PIN4: variants seen among roughly 807,000 people sequenced by gnomAD.
PIN4 encodes peptidylprolyl cis/trans isomerase, NIMA-interacting 4.
PIN4 carries 3 observed loss-of-function variants against 8.3 expected under a neutral mutation model. That is an observed-to-expected ratio of 0.36 (90% CI 0.16 to 0.93). The LOEUF (loss-of-function observed/expected upper bound fraction) is 0.93, where lower values mean the gene tolerates loss of function less well. Ranked by LOEUF, PIN4 falls within the 40% of genes least tolerant of loss-of-function variation. PIN4 has a pLI of 0.44. For synonymous variants in PIN4, 18 were observed against 32.5 expected (o/e 0.55, Z 1.52); for missense variants, 75 against 100.6 (o/e 0.75, Z 1.09).
chrX:72,185,135 G>A (rs1285163598), intron 1 of PIN4, among the ~76,000 whole-genome samples: 3 of 31,801 alleles, frequency 9.4e-5, no homozygotes, highest in Non-Finnish European at 2.1e-4. Context: ...CAGACAGAGC[G>A]AGACTCCGTC....
intron 3 of PIN4, among the ~76,000 whole-genome samples, chrX:72,219,709 C>T (rs2042911084): frequency 1.8e-5 from 2 of 108,997 alleles, no homozygotes; most frequent in South Asian, 8.0e-4. Flanking sequence ...AATTAGCGGG[C>T]GTGGTGGTGC....
At chrX:72,231,283 T>C (rs2042981623) in intron 3 of PIN4, among the ~76,000 whole-genome samples, 1 of 111,921 alleles carries the variant, frequency 8.9e-6, no homozygotes, top group Non-Finnish European at 1.9e-5. Context: ...TGAATGAACC[T>C]AAAAGACATT....
chrX:72,247,047 G>A (rs1380212309), intron 3 of PIN4, among the ~76,000 whole-genome samples: 1 of 112,111 alleles, frequency 8.9e-6, no homozygotes, highest in African/African-American at 3.2e-5. Flanking sequence ...TAATCCTAAA[G>A]GAGAGCACTG....
intron 3 of PIN4, chrX:72,205,642 C>T (rs1253607709): frequency 3.3e-6 from 4 of 1,211,681 alleles, no homozygotes; most frequent in South Asian, 3.5e-5. Context: ...TGGATTTATG[C>T]TTGAGGTATC....
At chrX:72,246,341 C>A (rs2043067121) in intron 3 of PIN4, among the ~76,000 whole-genome samples, 2 of 112,082 alleles carry the variant, frequency 1.8e-5, no homozygotes, top group Admixed American at 1.9e-4. Context: ...GTAGTCTATG[C>A]CACCATTCTG....
chrX:72,211,038 G>C (rs1472264599), intron 3 of PIN4, among the ~76,000 whole-genome samples: 2 of 112,067 alleles, frequency 1.8e-5, no homozygotes, highest in Non-Finnish European at 3.8e-5. Context: ...CTGATTATTT[G>C]CAAGACTAGA....
chrX:72,196,304 G>A (rs1479852515), intron 2 of PIN4, among the ~76,000 whole-genome samples: 1 of 110,486 alleles, frequency 9.1e-6, no homozygotes, highest in Non-Finnish European at 1.9e-5. Flanking sequence ...GGGAGGCCAA[G>A]GCGGGTGGAT....
At chrX:72,194,882 C>T (rs556550083) in intron 2 of PIN4, among the ~76,000 whole-genome samples, 1 of 110,858 alleles carries the variant, frequency 9.0e-6, no homozygotes, top group South Asian at 3.8e-4. Context: ...TTTTACTGTA[C>T]CTTTTCTATG....
Position 72,198,016 on chromosome X carries a change from A to G in PIN4, c.*490A>G. 4.0e-6 allele frequency: 3 copies of G among 745,780 alleles called. No homozygotes were observed. The highest frequency in any genetic ancestry group is 4.8e-6 in the Non-Finnish European group (3 of 630,775). The allele number at this position is 745,780 out of a possible 1,213,427, so 61.5% of individuals were successfully genotyped here. ...GTGGTATTAGCTCCACTGTCTTAAC[A>G]TAGTACGTGGCACGTTATGCCTTTC... On this transcript the variant is annotated 3_prime_UTR_variant, in exon 4 of 4. Transcript: ENST00000373669.
intron 3 of PIN4, among the ~76,000 whole-genome samples, chrX:72,217,031 G>GA (rs1247290456): frequency 1.1e-4 from 12 of 112,347 alleles, no homozygotes; most frequent in Non-Finnish European, 1.1e-4. Flanking sequence ...TGCTATGCCA[G>GA]AAAAAAGGAT....
In PIN4 at chrX:72,262,680, CATT is replaced by C. The variant is rs1274026534; in HGVS notation, c.313-24_313-22del. On this transcript the variant is annotated intron_variant, in intron 3 of 3. Transcript: ENST00000423432. ...TAGCAATCAGGTTACAATTGATTGA[CATT>C]ATCACTTTCTTTATGTTTGGCAGAT... The C allele has an allele frequency of 2.9e-6, 3 of 1,026,466 alleles. No individual in the cohort carries two copies. In the East Asian group the frequency reaches 1.0e-4, roughly 34 times the overall value. 84.6% of individuals were successfully genotyped at this position (1,026,466 alleles called of 1,213,427 possible). A position where few individuals can be genotyped will look rare whatever the true frequency, so the allele number is the denominator to read the frequency against.
At chrX:72,189,736 G>A (rs760838064) in intron 2 of PIN4, among the ~76,000 whole-genome samples, 17 of 111,438 alleles carry the variant, frequency 1.5e-4, no homozygotes, top group East Asian at 2.8e-4. Flanking sequence ...TCCCAAATCC[G>A]AAACACTCTG....
intron 2 of PIN4, among the ~76,000 whole-genome samples, chrX:72,190,617 T>C (rs1372884925): frequency 9.0e-6 from 1 of 111,348 alleles, no homozygotes; most frequent in African/African-American, 3.3e-5. Flanking sequence ...TAGATGAACT[T>C]ATTTCAGTAG....
At chrX:72,201,988 T>C (rs1377504580), downstream of PIN4, among the ~76,000 whole-genome samples, 1 of 112,889 alleles carries the variant, frequency 8.9e-6, no homozygotes, top group Non-Finnish European at 1.9e-5. Context: ...CATTGGTTAC[T>C]TGGGGTATAC....
chrX:72,197,707 A>G lies in PIN4; in HGVS notation c.*181A>G. 9 of 1,009,691 alleles carry G rather than the reference A, an allele frequency of 8.9e-6. No homozygotes were observed. The highest frequency in any genetic ancestry group is 1.1e-5 in the Non-Finnish European group (9 of 794,544). The allele number at this position is 1,009,691 out of a possible 1,213,427, so 83.2% of individuals were successfully genotyped here. A position where few individuals can be genotyped will look rare whatever the true frequency, so the allele number is the denominator to read the frequency against. ...TGTAGGTGTAAGAGAGGGTGGGGCT[A>G]AGTGAATGTCAACTGTAGTAGGTAT... On this transcript the variant is annotated 3_prime_UTR_variant, in exon 4 of 4. Transcript: ENST00000373669.
At chrX:72,188,043 C>T (rs1390382328) in intron 2 of PIN4, among the ~76,000 whole-genome samples, 3 of 111,511 alleles carry the variant, frequency 2.7e-5, no homozygotes, top group Non-Finnish European at 5.7e-5. Context: ...GAGAGACATG[C>T]ACCTGCTTTT....
At chrX:72,213,409 G>A (rs1482266539) in intron 3 of PIN4, among the ~76,000 whole-genome samples, 1 of 111,640 alleles carries the variant, frequency 9.0e-6, no homozygotes, top group African/African-American at 3.3e-5. Flanking sequence ...CCAGGCATTC[G>A]AGCCGGGAGG....
intron 3 of PIN4, among the ~76,000 whole-genome samples, chrX:72,260,949 A>G (rs1259478289): frequency 8.9e-6 from 1 of 111,871 alleles, no homozygotes; most frequent in East Asian, 2.8e-4. Context: ...CTCTGCCTCT[A>G]TTCTCTGCTT....
intron 2 of PIN4, among the ~76,000 whole-genome samples, chrX:72,193,902 A>T (rs1316399136): frequency 2.7e-5 from 3 of 110,947 alleles, no homozygotes; most frequent in Non-Finnish European, 3.8e-5. Context: ...AAGCTTATAG[A>T]ATAAGGATAT....
Sources: allele counts gnomAD v4.1 joint callset (sites outside exome capture counted in the v4.1 genomes callset), GRCh38; gene constraint gnomAD v4.1.1; transcripts MANE v1.5; gene names NCBI Gene and HGNC (gene_info 2026-07-23, HGNC 2026-07-21).